YES1: variants seen among roughly 807,000 people sequenced by gnomAD.
The protein encoded by YES1 is YES proto-oncogene 1, Src family tyrosine kinase.
A neutral mutation model predicts 70.4 loss-of-function variants in YES1; 39 were observed. The observed-to-expected ratio is 0.55, with a 90% CI of 0.43 to 0.72. YES1 has a LOEUF of 0.72. Ranked by LOEUF, YES1 falls within the 30% of genes least tolerant of loss-of-function variation. YES1 has a pLI of 0.00. For missense variants in YES1, 495 were observed against 644.8 expected (o/e 0.77, Z 2.52); for synonymous variants, 198 against 218.6 (o/e 0.91, Z 0.83).
chr18:734,887 G>A (rs1025666807), intron 10 of YES1, among the ~76,000 whole-genome samples: 1 of 152,186 alleles, frequency 6.6e-6, no homozygotes. Context: ...GCCAGGTGTG[G>A]TGGCTCACGC....
intron 11 of YES1, among the ~76,000 whole-genome samples, chr18:730,775 A>G (rs1252230912): frequency 6.6e-6 from 1 of 152,214 alleles, no homozygotes; most frequent in Non-Finnish European, 1.5e-5. Context: ...TAAGTTGGAT[A>G]TTAGCCTCTC....
intron 1 of YES1, among the ~76,000 whole-genome samples, chr18:809,239 G>A (rs1907250791): frequency 6.6e-6 from 1 of 151,894 alleles, no homozygotes; most frequent in African/African-American, 2.4e-5. Context: ...TAAAGAAAAC[G>A]AACTAGAACT....
At chr18:795,399 G>A (rs1295601171) in intron 1 of YES1, among the ~76,000 whole-genome samples, 4 of 152,104 alleles carry the variant, frequency 2.6e-5, no homozygotes, top group Non-Finnish European at 5.9e-5. Context: ...TCTGGGTGGA[G>A]GGTATCCAGT....
chr18:804,728 C>T (rs1907002767), intron 1 of YES1, among the ~76,000 whole-genome samples: 3 of 149,780 alleles, frequency 2.0e-5, no homozygotes, highest in Non-Finnish European at 4.4e-5. Flanking sequence ...GCCTGACCAA[C>T]ATGGAGAAAT....
chr18:808,511 G>A (rs1316513940), intron 1 of YES1, among the ~76,000 whole-genome samples: 2 of 152,148 alleles, frequency 1.3e-5, no homozygotes, highest in East Asian at 1.9e-4. Context: ...GTTGTGCCTC[G>A]CTATAGGACT....
intron 1 of YES1, among the ~76,000 whole-genome samples, chr18:766,847 T>A (rs58238073): frequency 0.33 from 50,190 of 151,916 alleles, 8,663 homozygotes; most frequent in African/African-American, 0.41. Flanking sequence ...ACTATTATAT[T>A]CTTTATATAT....
In YES1 at chr18:722,486, C is replaced by G. The variant is rs1390706457; in HGVS notation, c.*1938G>C. 1 of 152,468 alleles carries G rather than the reference C, an allele frequency of 6.6e-6. No homozygotes were observed. Among genetic ancestry groups the G allele is most frequent in the Non-Finnish European group, 1.5e-5 (1 of 68,002 alleles). 9.4% of individuals were successfully genotyped at this position (152,468 alleles called of 1,614,324 possible). The stretch of plus-strand genomic sequence containing the variant: ...AATTATATCCTGAAAATAGAGGGGC[C>G]TAATATAAGGCTTAATTTAAAGTGT... On this transcript the variant is annotated 3_prime_UTR_variant, in exon 12 of 12. Transcript: ENST00000314574.
At chr18:726,488 T>G (rs904069332) in intron 11 of YES1, among the ~76,000 whole-genome samples, 1 of 150,600 alleles carries the variant, frequency 6.6e-6, no homozygotes, top group African/African-American at 2.4e-5. Flanking sequence ...ACTATTAAAT[T>G]ATTTGATGCC....
intron 1 of YES1, among the ~76,000 whole-genome samples, chr18:794,653 CCT>C (rs1906445919): frequency 1.3e-5 from 2 of 152,234 alleles, no homozygotes; most frequent in Admixed American, 6.5e-5. Flanking sequence ...CTATGCTCCC[CCT>C]GACACTCTGG....
At chr18:794,312 C>T (rs916869127) in intron 1 of YES1, among the ~76,000 whole-genome samples, 10 of 152,038 alleles carry the variant, frequency 6.6e-5, no homozygotes, top group African/African-American at 1.9e-4. Flanking sequence ...AAAAACTCAT[C>T]GATGTACACT....
At position 724,753 on chromosome 18, in the gene YES1, C is replaced by G. The variant is rs904593605; in HGVS notation, c.1424-121G>C. 16 of 704,866 alleles carry G rather than the reference C, an allele frequency of 2.3e-5. 1 individual carries two copies. Among genetic ancestry groups the G allele is most frequent in the Admixed American group, 9.0e-5 (3 of 33,502 alleles). 43.7% of individuals were successfully genotyped at this position (704,866 alleles called of 1,614,324 possible). A position where few individuals can be genotyped will look rare whatever the true frequency, so the allele number is the denominator to read the frequency against. On this transcript the variant is annotated intron_variant, in intron 11 of 11. Coordinates refer to ENST00000314574, the MANE Select transcript of YES1 (RefSeq NM_005433.4). ...TTATTTAGTGAAACAATTCTTTTAA[C>G]AAAGCAACAAAATAAATTTTAAACA... is the stretch of plus-strand genomic sequence containing the variant.
intron 1 of YES1, among the ~76,000 whole-genome samples, chr18:803,301 G>T (rs1254584204): frequency 2.6e-5 from 4 of 152,182 alleles, no homozygotes; most frequent in Admixed American, 2.0e-4. Context: ...ACATTTCAAA[G>T]ATTCAAGTCA....
At chr18:774,869 A>G (rs1905301416) in intron 1 of YES1, among the ~76,000 whole-genome samples, 1 of 152,174 alleles carries the variant, frequency 6.6e-6, no homozygotes, top group East Asian at 1.9e-4. Context: ...AAGATCCAAT[A>G]ACCTATTATG....
intron 11 of YES1, 106 bp downstream of exon 11, chr18:732,728 C>G (rs966869611): frequency 2.1e-6 from 3 of 1,419,006 alleles, no homozygotes; most frequent in Admixed American, 3.5e-5. Flanking sequence ...GGCAGGGGGA[C>G]TATGAGAAGA....
At chr18:762,352 T>G (rs1396343299) in intron 1 of YES1, among the ~76,000 whole-genome samples, 2 of 152,096 alleles carry the variant, frequency 1.3e-5, no homozygotes, top group Non-Finnish European at 2.9e-5. Flanking sequence ...TAACATCATT[T>G]AAAACATTTA....
intron 1 of YES1, among the ~76,000 whole-genome samples, chr18:807,028 G>A (rs1019513355): frequency 7.9e-5 from 12 of 152,190 alleles, no homozygotes; most frequent in African/African-American, 1.9e-4. Context: ...CCAGCATTTC[G>A]GGAGGCCCAG....
Position 756,596 on chromosome 18 carries a change from A to G in YES1, c.232T>C (p.Phe78Leu). 3 of 1,614,202 alleles carry G rather than the reference A, an allele frequency of 1.9e-6. No homozygotes were observed. Among genetic ancestry groups the G allele is most frequent in the Non-Finnish European group, 2.5e-6 (3 of 1,180,030 alleles). The stretch of plus-strand genomic sequence containing the variant: ...GGATATGAACTTGGCACCACTGAAA[A>G]TGAGGAAGATGCACCTCCAAAAGGC... Reference protein sequence around the residue: ...VTPFGGASSSFSVVPSSYPAG... With the variant: ...VTPFGGASSSLSVVPSSYPAG... Residue 78 changes from phenylalanine to leucine, a missense_variant, in exon 2 of 12, where the codon TTT becomes CTT. Around this residue, in one of 2 missense-constraint regions of YES1, gnomAD observed 110 missense variants for 104.0 expected, o/e 1.06. Transcript: ENST00000314574.
chr18:782,363 C>A (rs1905715736), intron 1 of YES1, among the ~76,000 whole-genome samples: 1 of 152,160 alleles, frequency 6.6e-6, no homozygotes, highest in East Asian at 1.9e-4. Context: ...GGATCAGCCG[C>A]CTCCCTCTGG....
intron 1 of YES1, among the ~76,000 whole-genome samples, chr18:790,781 A>T (rs1906205267): frequency 6.6e-6 from 1 of 152,248 alleles, no homozygotes; most frequent in Admixed American, 6.5e-5. Context: ...ATCTTGTTTT[A>T]AAAAACTACC....
Sources: gnomAD v4.1 joint callset for allele counts (sites outside exome capture counted in the v4.1 genomes callset) on GRCh38, gnomAD v4.1.1 for gene constraint, gnomAD v4.1.1 regional missense constraint, MANE v1.5 for transcripts, NCBI Gene and HGNC (gene_info 2026-07-23, HGNC 2026-07-21) for gene names.